The following STPG2 variants were observed in gnomAD, a reference collection of about 807,000 sequenced individuals.
The protein encoded by STPG2 is sperm-tail PG-rich repeat-containing protein 2.
STPG2 carries 56 observed loss-of-function variants against 54.2 expected under a neutral mutation model. The observed-to-expected ratio is 1.03, with a 90% confidence interval of 0.83 to 1.29. The LOEUF (loss-of-function observed/expected upper bound fraction) is 1.29, where lower values mean the gene tolerates loss of function less well. Among genes scored for constraint, STPG2 ranks in the 50% most tolerant of loss-of-function variants. The pLI is 0.00. For missense variants in STPG2, 596 were observed against 544.9 expected, an observed-to-expected ratio of 1.09 and a Z score of -0.93; for synonymous variants, 200 against 181.8, an observed-to-expected ratio of 1.10 and a Z score of -0.81.
intron 10 of STPG2, among the ~76,000 whole-genome samples, chr4:97,654,452 C>T (rs1226795847): frequency 2.0e-5 from 3 of 151,918 alleles, no homozygotes; most frequent in African/African-American, 7.3e-5. Flanking sequence ...GTTTGATATG[C>T]ATCAATCCGA....
intron 9 of STPG2, among the ~76,000 whole-genome samples, chr4:97,794,519 T>C (rs931203772): frequency 2.0e-5 from 3 of 152,126 alleles, no homozygotes; most frequent in African/African-American, 7.2e-5. Context: ...ATAAGAAAAT[T>C]GCAAAGTGTT....
intron 9 of STPG2, among the ~76,000 whole-genome samples, chr4:97,828,467 G>T (rs1256697370): frequency 6.6e-6 from 1 of 152,100 alleles, no homozygotes; most frequent in Non-Finnish European, 1.5e-5. Context: ...GCAGCTGGTT[G>T]GGCAGACACC....
intron 8 of STPG2, among the ~76,000 whole-genome samples, chr4:97,862,364 G>A (rs1729584385): frequency 2.0e-5 from 3 of 151,950 alleles, no homozygotes; most frequent in Admixed American, 6.6e-5. Context: ...ATTACATAAT[G>A]GTAAACGGAT....
intron 9 of STPG2, among the ~76,000 whole-genome samples, chr4:97,742,633 A>C (rs1439784559): frequency 6.6e-6 from 1 of 150,738 alleles, no homozygotes; most frequent in Non-Finnish European, 1.5e-5. Flanking sequence ...CATGGATGAA[A>C]CTGAAGGACA....
At position 98,128,451 on chromosome 4, in the gene STPG2, G is replaced by T. The variant is rs372964222; in HGVS notation, c.364C>A (p.Pro122Thr). Residue 122 changes from proline (P) to threonine (T), a missense_variant, in exon 3 of 11, where the codon CCA (proline) becomes ACA (threonine). Coordinates refer to ENST00000295268, the MANE Select transcript of STPG2 (RefSeq NM_174952.3). ...ACAAATTGAGGTTTGTAGTATGCTGGACCAAGTGTACTGTCACAAGCAGGT... is the reference window on the plus strand; with the variant it reads ...ACAAATTGAGGTTTGTAGTATGCTGTACCAAGTGTACTGTCACAAGCAGGT... ...FPPACDSTLGPAYYKPQFDVS... is the reference protein window; with the variant it reads ...FPPACDSTLGTAYYKPQFDVS... The T allele has an allele frequency of 4.2e-5, 67 of 1,610,132 alleles. 3 individuals carry two copies. The South Asian group carries it at 7.2e-4, about 17-fold the overall frequency.
chr4:97,709,228 TAC>T (rs1228536218), intron 10 of STPG2, among the ~76,000 whole-genome samples: 1 of 151,702 alleles, frequency 6.6e-6, no homozygotes, highest in Admixed American at 6.6e-5. Flanking sequence ...TTTTTTTAAA[TAC>T]AGTTGACTTT....
intron 10 of STPG2, among the ~76,000 whole-genome samples, chr4:97,605,444 T>A (rs1733569283): frequency 2.0e-5 from 3 of 151,852 alleles, no homozygotes; most frequent in Admixed American, 2.0e-4. Flanking sequence ...GTGCTAGTTG[T>A]CTAAAATTGC....
intron 5 of STPG2, among the ~76,000 whole-genome samples, chr4:98,012,409 C>T (rs555863306): frequency 6.8e-4 from 103 of 152,292 alleles, no homozygotes; most frequent in Non-Finnish European, 1.1e-3. Flanking sequence ...GTTCTTTTTG[C>T]TTAGGATTGT....
chr4:97,604,268 A>C (rs1733537688), intron 10 of STPG2, among the ~76,000 whole-genome samples: 1 of 151,724 alleles, frequency 6.6e-6, no homozygotes, highest in Non-Finnish European at 1.5e-5. Context: ...TGACATTTCA[A>C]AAATATTTTA....
chr4:97,717,435 C>T (rs1008306549), intron 9 of STPG2, among the ~76,000 whole-genome samples: 17 of 152,162 alleles, frequency 1.1e-4, no homozygotes, highest in African/African-American at 3.9e-4. Context: ...TGGCATCTAC[C>T]TAAAGCATGC....
In STPG2 at chr4:97,972,402, C is replaced by A. The variant is rs200606406; in HGVS notation, c.811G>T (p.Ala271Ser). 2 of 1,601,426 alleles carry A rather than the reference C, an allele frequency of 1.2e-6. No individual in the cohort carries two copies. The highest frequency in any genetic ancestry group is 1.3e-5 in the African/African-American group (1 of 74,412). ...FYNVLNNTII[A>S]SVRNICSKKQ... is the part of the protein sequence containing the mutation. ...TTTGAGCAGATATTTCTAACACTGG[C>A]AATTATAGTATTGTTCAAGACATTA... is the stretch of plus-strand genomic sequence containing the variant. Residue 271 changes from alanine (A) to serine (S), a missense_variant, in exon 7 of 11, where the codon GCC becomes TCC. Physicochemically the swap from Ala to Ser is moderately conservative, Grantham distance 99 (BLOSUM62 1). Coordinates refer to ENST00000295268, the MANE Select transcript of STPG2 (RefSeq NM_174952.3).
At chr4:97,938,508 T>C (rs1215052) in intron 8 of STPG2, among the ~76,000 whole-genome samples, 135,747 of 152,124 alleles carry the variant, frequency 0.89, 60,960 homozygotes, top group Middle Eastern at 0.98. Context: ...CACCCACCCC[T>C]GCAGGAACTC....
intron 9 of STPG2, among the ~76,000 whole-genome samples, chr4:97,748,093 A>G (rs760827499): frequency 1.3e-5 from 2 of 151,372 alleles, no homozygotes; most frequent in Non-Finnish European, 3.0e-5. Context: ...GTTCCTTGCT[A>G]CGGTGAAGTT....
At position 98,063,876 on chromosome 4, in the gene STPG2, C is replaced by CA. The variant is rs544734158; in HGVS notation, c.612+42076dup. 1.1e-4 allele frequency among the ~76,000 whole-genome samples: 16 copies of CA among 151,234 alleles called. No individual in the cohort carries two copies. In the South Asian group the frequency reaches 1.3e-3, roughly 12 times the overall value. On this transcript the variant is annotated intron_variant, in intron 5 of 10. Coordinates refer to ENST00000295268, the MANE Select transcript of STPG2 (RefSeq NM_174952.3). ...GCAACACAGTGAGACTACGTTTCTA[C>CA]AAAAAAAATATATTTTTAATTAGCT...
intron 10 of STPG2, among the ~76,000 whole-genome samples, chr4:97,616,081 T>C (rs1412511781): frequency 3.6e-5 from 3 of 83,020 alleles, no homozygotes; most frequent in Admixed American, 1.5e-4. Context: ...TATATATATA[T>C]ATATATATAT....
intron 4 of STPG2, among the ~76,000 whole-genome samples, chr4:97,535,797 GTTTA>G (rs1367940334): frequency 6.6e-6 from 1 of 152,020 alleles, no homozygotes; most frequent in Non-Finnish European, 1.5e-5. Context: ...GAAATTTTCA[GTTTA>G]TTTATTTTAA....
intron 8 of STPG2, among the ~76,000 whole-genome samples, chr4:97,906,482 T>G (rs145456897): frequency 0.029 from 4,426 of 152,138 alleles, 220 homozygotes; most frequent in African/African-American, 0.1. Flanking sequence ...TTCCTATCAA[T>G]AGAAAAAGAG....
intron 9 of STPG2, among the ~76,000 whole-genome samples, chr4:97,810,984 T>C (rs1352411612): frequency 6.6e-6 from 1 of 152,194 alleles, no homozygotes; most frequent in East Asian, 1.9e-4. Flanking sequence ...GATCAGATTA[T>C]ATATTCTTTT....
chr4:97,669,920 G>C (rs1206425731), intron 10 of STPG2, among the ~76,000 whole-genome samples: 1 of 152,014 alleles, frequency 6.6e-6, no homozygotes, highest in Non-Finnish European at 1.5e-5. Flanking sequence ...ATGTACAGAA[G>C]CCAAATTTAA....
Sources: gnomAD v4.1 joint callset for allele counts (sites outside exome capture counted in the v4.1 genomes callset) on GRCh38, gnomAD v4.1.1 for gene constraint, MANE v1.5 for transcripts, NCBI Gene and HGNC (gene_info 2026-07-23, HGNC 2026-07-21) for gene names.